TMEM163: variants seen among roughly 807,000 people sequenced by gnomAD.
TMEM163 encodes the protein transmembrane protein 163.
In TMEM163, 17 loss-of-function variants were observed where a neutral mutation model predicts 29.3. That is an observed-to-expected ratio of 0.58 (90% CI 0.40 to 0.87). The LOEUF (loss-of-function observed/expected upper bound fraction) is 0.87. Ranked by LOEUF, TMEM163 falls within the 40% of genes least tolerant of loss-of-function variation. The pLI is 0.00. For missense variants in TMEM163, 303 were observed against 381.5 expected, an observed-to-expected ratio of 0.79 and a Z score of 1.71; for synonymous variants, 157 against 160.6, an observed-to-expected ratio of 0.98 and a Z score of 0.17.
intron 4 of TMEM163, among the ~76,000 whole-genome samples, chr2:134,522,559 C>T (rs1680211203): frequency 6.6e-6 from 1 of 152,216 alleles, no homozygotes; most frequent in Non-Finnish European, 1.5e-5. Context: ...TAGGAGGGCA[C>T]ATTTGTAAAT....
chr2:134,603,776 G>T (rs951941795), intron 2 of TMEM163, among the ~76,000 whole-genome samples: 1 of 139,144 alleles, frequency 7.2e-6, no homozygotes, highest in African/African-American at 2.6e-5. Flanking sequence ...CAGGAACATT[G>T]ATATAGCTGG....
At chr2:134,546,454 CA>C (rs1171637546) in intron 4 of TMEM163, among the ~76,000 whole-genome samples, 1 of 152,116 alleles carries the variant, frequency 6.6e-6, no homozygotes, top group South Asian at 2.1e-4. Flanking sequence ...CCAGCCTGGC[CA>C]ACATGGCAAA....
intron 2 of TMEM163, among the ~76,000 whole-genome samples, chr2:134,611,476 A>G (rs1682502489): frequency 6.6e-6 from 1 of 152,182 alleles, no homozygotes; most frequent in Non-Finnish European, 1.5e-5. Context: ...TGTCATATTT[A>G]ACTAGGGGAC....
chr2:134,564,987 T>C (rs1269798376), intron 2 of TMEM163, among the ~76,000 whole-genome samples: 1 of 152,156 alleles, frequency 6.6e-6, no homozygotes, highest in Non-Finnish European at 1.5e-5. Context: ...TCTGTAATCC[T>C]AGCACTTTGG....
intron 2 of TMEM163, among the ~76,000 whole-genome samples, chr2:134,684,685 G>A (rs1421686512): frequency 1.3e-5 from 2 of 152,018 alleles, no homozygotes; most frequent in Non-Finnish European, 2.9e-5. Flanking sequence ...CAGAACTTTG[G>A]GAGGCCGAGG....
At chr2:134,589,765 A>G (rs998807245) in intron 2 of TMEM163, among the ~76,000 whole-genome samples, 18 of 152,202 alleles carry the variant, frequency 1.2e-4, no homozygotes, top group African/African-American at 4.3e-4. Context: ...TTACTTTCCA[A>G]ATAAACTTGC....
At chr2:134,625,710 T>G (rs184791497) in intron 2 of TMEM163, among the ~76,000 whole-genome samples, 1 of 152,320 alleles carries the variant, frequency 6.6e-6, no homozygotes, top group East Asian at 1.9e-4. Context: ...TATTCCTGAA[T>G]AGTGACATAA....
chr2:134,610,180 G>A (rs1161857783), intron 2 of TMEM163, among the ~76,000 whole-genome samples: 1 of 152,216 alleles, frequency 6.6e-6, no homozygotes. Flanking sequence ...CTGGTGACCG[G>A]ATGGACCCTC....
intron 2 of TMEM163, among the ~76,000 whole-genome samples, chr2:134,674,606 C>T (rs1684072542): frequency 6.6e-6 from 1 of 151,856 alleles, no homozygotes; most frequent in Non-Finnish European, 1.5e-5. Flanking sequence ...GATCCGCCCC[C>T]GTCGGCCTCC....
At chr2:134,624,367 AAAACCAGATACCGC>A (rs2104827291) in intron 2 of TMEM163, among the ~76,000 whole-genome samples, 1 of 152,324 alleles carries the variant, frequency 6.6e-6, no homozygotes, top group African/African-American at 2.4e-5. Context: ...AAAGGGACAG[AAAACCAGATACCGC>A]ATGTTCTTAT....
intron 2 of TMEM163, among the ~76,000 whole-genome samples, chr2:134,629,134 A>G (rs1682916352): frequency 6.6e-6 from 1 of 152,128 alleles, no homozygotes; most frequent in South Asian, 2.1e-4. Context: ...AACCCCTGTA[A>G]ATACTATTAT....
intron 2 of TMEM163, among the ~76,000 whole-genome samples, chr2:134,646,587 G>T (rs1002868942): frequency 6.6e-6 from 1 of 152,080 alleles, no homozygotes; most frequent in Non-Finnish European, 1.5e-5. Flanking sequence ...TGGGATTACA[G>T]GTGTGCATCA....
At position 134,647,436 on chromosome 2, in the gene TMEM163, C is replaced by T. The variant is rs1479675860; in HGVS notation, c.322+65764G>A. 2.0e-5 allele frequency among the ~76,000 whole-genome samples: 3 copies of T among 152,318 alleles called. No homozygotes were observed. In the East Asian group the frequency reaches 5.8e-4, roughly 29 times the overall value. On this transcript the variant is annotated intron_variant, in intron 2 of 7. Transcript: ENST00000281924. ...GGAATGTGCTACCAACCTCCGAAAT[C>T]ACTGACAGAGGATCTTCTTCAACAA... is the stretch of plus-strand genomic sequence containing the variant.
At chr2:134,679,829 T>C (rs1364669812) in intron 2 of TMEM163, among the ~76,000 whole-genome samples, 1 of 152,164 alleles carries the variant, frequency 6.6e-6, no homozygotes, top group Non-Finnish European at 1.5e-5. Context: ...AGCTGAATTA[T>C]GGGGAAGTGA....
intron 2 of TMEM163, among the ~76,000 whole-genome samples, chr2:134,651,349 G>C (rs1461866339): frequency 7.1e-6 from 1 of 141,782 alleles, no homozygotes; most frequent in African/African-American, 2.9e-5. Context: ...CTTCCTTTAA[G>C]AAGTGTCTGT....
At chr2:134,711,127 CTATT>C (rs1235224053) in intron 2 of TMEM163, among the ~76,000 whole-genome samples, 3 of 152,212 alleles carry the variant, frequency 2.0e-5, no homozygotes, top group Non-Finnish European at 2.9e-5. Flanking sequence ...TGCTTAATCT[CTATT>C]TATTTCCATT....
chr2:134,521,003 C>CTT (rs56291030), intron 4 of TMEM163, among the ~76,000 whole-genome samples: 47,383 of 146,296 alleles, frequency 0.32, 7,892 homozygotes, highest in South Asian at 0.59. Context: ...GCCTTGGGAA[C>CTT]TTTTTTTTTT....
At chr2:134,459,857 C>T (rs934436886) in intron 6 of TMEM163, among the ~76,000 whole-genome samples, 1 of 152,016 alleles carries the variant, frequency 6.6e-6, no homozygotes. Flanking sequence ...GAGCCCTGCT[C>T]CCCTCAATTC....
intron 6 of TMEM163, chr2:134,458,454 G>A (rs1686451541): frequency 5.0e-6 from 2 of 402,820 alleles, no homozygotes; most frequent in South Asian, 3.0e-5. Context: ...TCTCGCCCGT[G>A]CCCGCTAGAA....
Sources: gnomAD v4.1 joint callset for allele counts (sites outside exome capture counted in the v4.1 genomes callset) on GRCh38, gnomAD v4.1.1 for gene constraint, MANE v1.5 for transcripts, NCBI Gene and HGNC (gene_info 2026-07-23, HGNC 2026-07-21) for gene names.